The following CD99 variants were observed in gnomAD, a reference collection of about 807,000 sequenced individuals.
CD99 encodes the protein CD99 molecule (Xg blood group).
A neutral mutation model predicts 28.4 loss-of-function variants in CD99; 19 were observed. The observed-to-expected ratio is 0.67, with a 90% CI of 0.47 to 0.98. The LOEUF is 0.98. CD99 is among the 50% of genes least tolerant of loss of function. The probability of loss-of-function intolerance (pLI) is 0.00; values close to 1 mark genes in which losing one functional copy is unlikely to be tolerated. For missense variants in CD99, 283 were observed against 248.8 expected, an observed-to-expected ratio of 1.14 and a Z score of -0.92; for synonymous variants, 103 against 92.1, an observed-to-expected ratio of 1.12 and a Z score of -0.67.
chrX:2,696,655 G>T (rs1378772106), intron 1 of CD99, among the ~76,000 whole-genome samples: 1 of 152,018 alleles, frequency 6.6e-6, no homozygotes, highest in Non-Finnish European at 1.5e-5. Context: ...CGCCCGCCTC[G>T]GCCTCCTAAA....
At chrX:2,722,240 G>A (rs1488874085) in intron 5 of CD99, among the ~76,000 whole-genome samples, 1 of 151,900 alleles carries the variant, frequency 6.6e-6, no homozygotes, top group African/African-American at 2.4e-5. Flanking sequence ...TGATTTATAA[G>A]CCTTCTTCAT....
chrX:2,737,453 G>A (rs2050003383), intron 8 of CD99, among the ~76,000 whole-genome samples: 1 of 150,924 alleles, frequency 6.6e-6, no homozygotes, highest in Non-Finnish European at 1.5e-5. Flanking sequence ...GGGATTACAG[G>A]TGTGAGCCAC....
At chrX:2,710,870 T>TC (rs1222105637) in intron 1 of CD99, among the ~76,000 whole-genome samples, 2 of 142,380 alleles carry the variant, frequency 1.4e-5, no homozygotes, top group East Asian at 4.0e-4. Flanking sequence ...GAGATGACTT[T>TC]TTTTTTTTTT....
At chrX:2,694,519 AG>A (rs56369695) in intron 1 of CD99, among the ~76,000 whole-genome samples, 108,442 of 151,792 alleles carry the variant, frequency 0.71, 39,045 homozygotes, top group South Asian at 0.78. Flanking sequence ...TGAGAGGCCG[AG>A]GGCCGGTGGG....
chrX:2,700,959 G>A (rs868149890), intron 1 of CD99, among the ~76,000 whole-genome samples: 4 of 108,300 alleles, frequency 3.7e-5, no homozygotes, highest in Admixed American at 2.2e-4. Flanking sequence ...ACCTCCATCC[G>A]TCTACCCACC....
chrX:2,732,211 T>C (rs1396347230), intron 8 of CD99, among the ~76,000 whole-genome samples: 1 of 152,116 alleles, frequency 6.6e-6, no homozygotes, highest in Non-Finnish European at 1.5e-5. Context: ...ACTCGGGGTC[T>C]GTGACTTCGC....
intron 4 of CD99, 149 bp downstream of exon 4, chrX:2,719,854 T>C: frequency 1.2e-6 from 1 of 825,628 alleles, no homozygotes; most frequent in East Asian, 2.4e-5. Flanking sequence ...GGTTTGTTCT[T>C]GCTGTTGTCG....
At chrX:2,694,316 C>T (rs1322811377) in intron 1 of CD99, among the ~76,000 whole-genome samples, 3 of 150,382 alleles carry the variant, frequency 2.0e-5, no homozygotes, top group African/African-American at 7.4e-5. Context: ...GAGCTCTTGT[C>T]TCCTGCCCCT....
chrX:2,737,548 G>T (rs1569451769), intron 8 of CD99, among the ~76,000 whole-genome samples: 1 of 150,962 alleles, frequency 6.6e-6, no homozygotes, highest in Non-Finnish European at 1.5e-5. Flanking sequence ...AGGCTGGAGT[G>T]CAATAGTGTG....
chrX:2,699,277 C>G (rs1037610778), intron 1 of CD99, among the ~76,000 whole-genome samples: 1 of 151,884 alleles, frequency 6.6e-6, no homozygotes, highest in African/African-American at 2.4e-5. Flanking sequence ...TCAAGTGCCT[C>G]TCTTGCCTCA....
intron 1 of CD99, among the ~76,000 whole-genome samples, chrX:2,701,554 C>G (rs2047864154): frequency 6.6e-6 from 1 of 150,578 alleles, no homozygotes; most frequent in African/African-American, 2.5e-5. Flanking sequence ...CAAGAATGAG[C>G]AGAGGAAACC....
At chrX:2,704,503 G>A (rs1429720043) in intron 1 of CD99, among the ~76,000 whole-genome samples, 1 of 151,510 alleles carries the variant, frequency 6.6e-6, no homozygotes, top group African/African-American at 2.4e-5. Flanking sequence ...GCACAGTCTC[G>A]GCTCACTGCA....
chrX:2,715,372 G>A (rs2048645527), intron 2 of CD99: 1 of 152,198 alleles, frequency 6.6e-6, no homozygotes, highest in South Asian at 2.1e-4. Flanking sequence ...CTCCCTCTAG[G>A]GGCTCTAGGG....
chrX:2,714,070 G>A (rs770547268), intron 1 of CD99, among the ~76,000 whole-genome samples: 1 of 152,192 alleles, frequency 6.6e-6, no homozygotes, highest in African/African-American at 2.4e-5. Flanking sequence ...AAAAAAGGGA[G>A]AATTTTGTTC....
chrX:2,734,527 G>A (rs1383025427), intron 8 of CD99, among the ~76,000 whole-genome samples: 4 of 151,648 alleles, frequency 2.6e-5, no homozygotes, highest in Non-Finnish European at 5.9e-5. Flanking sequence ...GGCTGATCTC[G>A]AACTTCTGAC....
At chrX:2,721,132 C>T (rs2048973745) in intron 5 of CD99, among the ~76,000 whole-genome samples, 1 of 151,512 alleles carries the variant, frequency 6.6e-6, no homozygotes, top group African/African-American at 2.4e-5. Context: ...ATTCGAATAG[C>T]ACCAGTTTTT....
In CD99 at chrX:2,707,329, C is replaced by CAAAAGAAAAGAAAAG. The variant is rs58329163; in HGVS notation, c.68-7083_68-7069dup. Among the ~76,000 whole-genome samples the CAAAAGAAAAGAAAAG allele has an allele frequency of 1.5e-3, 229 of 149,296 alleles. 2 individuals are homozygous for CAAAAGAAAAGAAAAG. The highest frequency in any genetic ancestry group is 5.4e-3 in the East Asian group (27 of 4,960). ...TGGGCAACAGAGCAAAACTCTGCCTCAAAAGAAAAGAAAAGAAAAGAAAAA... is the reference window on the plus strand; with the variant it reads ...TGGGCAACAGAGCAAAACTCTGCCTCAAAAGAAAAGAAAAGAAAAGAAAAGAAAAGAAAAGAAAAA... On this transcript the variant is annotated intron_variant, in intron 1 of 9. Coordinates refer to ENST00000381192, the MANE Select transcript of CD99 (RefSeq NM_002414.5).
chrX:2,710,089 G>A (rs1295384285), intron 1 of CD99, among the ~76,000 whole-genome samples: 1 of 152,204 alleles, frequency 6.6e-6, no homozygotes, highest in Non-Finnish European at 1.5e-5. Context: ...GAAATATATA[G>A]CAGTCCTCAT....
intron 1 of CD99, among the ~76,000 whole-genome samples, chrX:2,708,667 G>A (rs1244626846): frequency 1.3e-5 from 2 of 152,190 alleles, no homozygotes; most frequent in Non-Finnish European, 1.5e-5. Flanking sequence ...AAGGACTAGG[G>A]CTAAGGGCAG....
Sources: gnomAD v4.1 joint callset for allele counts (sites outside exome capture counted in the v4.1 genomes callset) on GRCh38, gnomAD v4.1.1 for gene constraint, MANE v1.5 for transcripts, NCBI Gene and HGNC (gene_info 2026-07-23, HGNC 2026-07-21) for gene names.